The following NAPG variants were observed in gnomAD, a reference collection of about 807,000 sequenced individuals.
The protein encoded by NAPG is gamma-soluble NSF attachment protein.
A neutral mutation model predicts 48.4 loss-of-function variants in NAPG; 25 were observed. That is an observed-to-expected ratio of 0.52 (90% CI 0.38 to 0.72). NAPG has a LOEUF of 0.72. Among genes scored for constraint, NAPG ranks in the 30% least tolerant of loss-of-function variants. The pLI is 0.00. For missense variants in NAPG, 359 were observed against 372.5 expected (o/e 0.96, Z 0.30); for synonymous variants, 139 against 127.2 (o/e 1.09, Z -0.62).
intron 1 of NAPG, among the ~76,000 whole-genome samples, chr18:10,529,989 TTAAAC>T (rs964951565): frequency 4.1e-4 from 62 of 152,164 alleles, no homozygotes; most frequent in African/African-American, 1.4e-3. Flanking sequence ...CTGAATTAGT[TTAAAC>T]TAAGTCTGAA....
intron 1 of NAPG, among the ~76,000 whole-genome samples, chr18:10,529,017 T>C (rs1349066277): frequency 6.6e-6 from 1 of 152,200 alleles, no homozygotes; most frequent in Non-Finnish European, 1.5e-5. Context: ...TATTGATTCT[T>C]TGGAGAAAAA....
Position 10,551,693 on chromosome 18 carries a change from TC to T in NAPG, c.*1475del, listed in dbSNP as rs2032398616. 6.6e-6 allele frequency: 1 copy of T among 152,182 alleles called. No individual in the cohort carries two copies. The highest frequency in any genetic ancestry group is 2.1e-4 in the South Asian group (1 of 4,828). 9.4% of individuals were successfully genotyped at this position (152,182 alleles called of 1,614,324 possible). A position where few individuals can be genotyped will look rare whatever the true frequency, so the allele number is the denominator to read the frequency against. On this transcript the variant is annotated 3_prime_UTR_variant, in exon 12 of 12. Transcript: ENST00000322897. Reference sequence around the variant, plus strand: ...ATAGGTTGCTTAATTTTGCTAGACTTCCTGAAAACACTAAGGTGGAGTATCA... The same window carrying T: ...ATAGGTTGCTTAATTTTGCTAGACTTCTGAAAACACTAAGGTGGAGTATCA...
At chr18:10,540,698 T>C (rs749115157) in intron 8 of NAPG, 7 of 249,720 alleles carry the variant, frequency 2.8e-5, no homozygotes, top group Non-Finnish European at 5.3e-5. Flanking sequence ...TTGGTTGGAT[T>C]ATAATATCTC....
At chr18:10,545,718 C>T (rs552148104) in intron 8 of NAPG, among the ~76,000 whole-genome samples, 5 of 152,342 alleles carry the variant, frequency 3.3e-5, no homozygotes, top group African/African-American at 4.8e-5. Context: ...TCCTTGCTTT[C>T]GTCTTCATTC....
In NAPG at chr18:10,526,081, C is replaced by A; in HGVS notation, c.-22C>A. 3 of 1,612,444 alleles carry A rather than the reference C, an allele frequency of 1.9e-6. No individual in the cohort carries two copies. In the South Asian group the frequency reaches 3.3e-5, roughly 18 times the overall value. ...AAGAGGCAGGGTCACCCTCTCTCCA[C>A]GTCAGAGACCTGACTGTGGAGATGG... is the stretch of plus-strand genomic sequence containing the variant. On this transcript the variant is annotated 5_prime_UTR_variant, in exon 1 of 12. Transcript: ENST00000322897.
In NAPG at chr18:10,546,262, A is replaced by T. The variant is rs1191309300; in HGVS notation, c.507-64A>T. On this transcript the variant is annotated intron_variant, in intron 8 of 11. Coordinates refer to ENST00000322897, the MANE Select transcript of NAPG (RefSeq NM_003826.3). This position sits in a 1 kb window ranked among gnomAD's most constrained non-coding sequence, Gnocchi z 4.0. ...CAATCTATGATGTCAAGTACATTTC[A>T]CAGGGGACCTCTGCTATAGATCATT... is the stretch of plus-strand genomic sequence containing the variant. 2.9e-6 allele frequency: 3 copies of T among 1,035,230 alleles called. No individual in the cohort carries two copies. The African/African-American group carries it at 4.9e-5, about 17-fold the overall frequency. 64.1% of individuals were successfully genotyped at this position (1,035,230 alleles called of 1,614,324 possible).
intron 1 of NAPG, chr18:10,526,440 G>C (rs2143079120): frequency 2.2e-6 from 1 of 454,756 alleles, no homozygotes; most frequent in Non-Finnish European, 3.9e-6. Context: ...CGGGGCGAGG[G>C]CTTCTCTACT....
chr18:10,541,781 A>G (rs1415935198), intron 8 of NAPG, among the ~76,000 whole-genome samples: 1 of 152,210 alleles, frequency 6.6e-6, no homozygotes, highest in East Asian at 1.9e-4. Context: ...GGCAGAAGTT[A>G]AGGACAGCCC....
chr18:10,550,317 A>G lies in NAPG; in HGVS notation c.*97A>G. 2 of 1,329,370 alleles carry G rather than the reference A, an allele frequency of 1.5e-6. No individual in the cohort carries two copies. The highest frequency in any genetic ancestry group is 2.0e-6 in the Non-Finnish European group (2 of 1,005,022). The allele number at this position is 1,329,370 out of a possible 1,614,324, so 82.3% of individuals were successfully genotyped here. On this transcript the variant is annotated 3_prime_UTR_variant, in exon 12 of 12. Transcript: ENST00000322897. ...AGATTAGGGATATCCGTACTTCATT[A>G]CAGTCATGATTTTGGATCCTAATAA...
chr18:10,551,564 TAC>T lies in NAPG; in HGVS notation c.*1346_*1347del, dbSNP rs1412293020. ...CGTAATCTGTTAATTGGAAAGAGGC[TAC>T]AGACACCAGCAGTGTGCGTTCTGCA... On this transcript the variant is annotated 3_prime_UTR_variant, in exon 12 of 12. Transcript: ENST00000322897. 1 of 152,226 alleles carries T rather than the reference TAC, an allele frequency of 6.6e-6. No individual in the cohort carries two copies. The highest frequency in any genetic ancestry group is 1.5e-5 in the Non-Finnish European group (1 of 68,040). The allele number at this position is 152,226 out of a possible 1,614,324, so 9.4% of individuals were successfully genotyped here. A position where few individuals can be genotyped will look rare whatever the true frequency, so the allele number is the denominator to read the frequency against.
intron 1 of NAPG, 136 bp downstream of exon 1, chr18:10,526,294 C>T (rs1028768728): frequency 3.5e-5 from 30 of 849,192 alleles, no homozygotes; most frequent in Non-Finnish European, 5.6e-5. Flanking sequence ...CGCAGGGCTG[C>T]CGGGGCTCGG....
intron 5 of NAPG, among the ~76,000 whole-genome samples, chr18:10,535,673 A>G (rs937003947): frequency 2.0e-5 from 3 of 152,188 alleles, no homozygotes; most frequent in African/African-American, 7.2e-5. Flanking sequence ...AGGCAGGAGA[A>G]TTGCTTGAAC....
chr18:10,527,248 C>T (rs1355199801), intron 1 of NAPG, among the ~76,000 whole-genome samples: 1 of 149,470 alleles, frequency 6.7e-6, no homozygotes, highest in Non-Finnish European at 1.5e-5. Flanking sequence ...GGGTGCTTCA[C>T]ATACATAATT....
rs779735433 is a variant in NAPG, at chr18:10,533,532, T to G, written c.210-4T>G. On this transcript the variant is annotated splice_polypyrimidine_tract_variant and splice_region_variant and intron_variant, in intron 3 of 11. Coordinates refer to ENST00000322897, the MANE Select transcript of NAPG (RefSeq NM_003826.3). ...TTAACTTTGACTTCGTTACTTCCAT[T>G]CAGTCTTTTTCATGCTGCCAAGTAA... 7.5e-6 allele frequency: 12 copies of G among 1,599,508 alleles called. No individual in the cohort carries two copies. In the South Asian group the frequency reaches 1.4e-4, roughly 18 times the overall value.
rs1367306804 is a variant in NAPG at position 10,534,844 on chromosome 18, T to TA, written c.258+354dup. Among the ~76,000 whole-genome samples, 2 of 152,214 alleles carry TA rather than the reference T, an allele frequency of 1.3e-5. No individual in the cohort carries two copies. The highest frequency in any genetic ancestry group is 4.8e-5 in the African/African-American group (2 of 41,454). On this transcript the variant is annotated intron_variant, in intron 5 of 11. Transcript: ENST00000322897. The surrounding 1 kb of genome is among the most constrained non-coding windows in gnomAD (Gnocchi z 5.0). ...AAATGTAGTAAAATTTTATAAATAT[T>TA]AAAAAATTATCATACATGGGTTATA...
rs2032105964 is a variant in NAPG at position 10,539,647 on chromosome 18, TC to T, written c.259-114del. On this transcript the variant is annotated intron_variant, in intron 5 of 11. Coordinates refer to ENST00000322897, the MANE Select transcript of NAPG (RefSeq NM_003826.3). The surrounding 1 kb of genome is among the most constrained non-coding windows in gnomAD (Gnocchi z 4.7). Reference sequence around the variant, plus strand: ...ATACCTATGTAACAAACCTGCACATTCTGCACATGTGTCCCAGAACTTAAAA... The same window carrying T: ...ATACCTATGTAACAAACCTGCACATTTGCACATGTGTCCCAGAACTTAAAA... 1.2e-6 allele frequency: 1 copy of T among 832,484 alleles called. No individual in the cohort carries two copies. Among genetic ancestry groups the T allele is most frequent in the Admixed American group, 2.3e-5 (1 of 43,738 alleles). The allele number at this position is 832,484 out of a possible 1,614,324, so 51.6% of individuals were successfully genotyped here.
At chr18:10,533,135 AT>A (rs1178460212) in intron 3 of NAPG, 1 of 259,858 alleles carries the variant, frequency 3.8e-6, no homozygotes, top group Non-Finnish European at 7.2e-6. Context: ...TACTGTATCA[AT>A]TTTTTTAAAT....
In NAPG at chr18:10,534,247, A is replaced by C. The variant is rs929825601; in HGVS notation, c.228-219A>C. Among the ~76,000 whole-genome samples, 1 of 152,246 alleles carries C rather than the reference A, an allele frequency of 6.6e-6. No homozygotes were observed. The highest frequency in any genetic ancestry group is 1.5e-5 in the Non-Finnish European group (1 of 68,036). On this transcript the variant is annotated intron_variant, in intron 4 of 11. Transcript: ENST00000322897. This position sits in a 1 kb window ranked among gnomAD's most constrained non-coding sequence, Gnocchi z 5.0. ...ACTTAATTTTGCATCTGCAAAATAA[A>C]ATCTCTTTAACTCAAATGTCTGATG...
In NAPG at chr18:10,542,904, CTGGG is replaced by C. The variant is rs1451479766; in HGVS notation, c.506+2508_506+2511del. On this transcript the variant is annotated intron_variant, in intron 8 of 11. Coordinates refer to ENST00000322897, the MANE Select transcript of NAPG (RefSeq NM_003826.3). The surrounding 1 kb of genome is among the most constrained non-coding windows in gnomAD (Gnocchi z 4.5). Reference sequence around the variant, plus strand: ...CCTTTTTAGAAAAGGCCTTTCCAGGCTGGGTGCAGTGGCTCATGCCTGTAATCAC... The same window carrying C: ...CCTTTTTAGAAAAGGCCTTTCCAGGCTGCAGTGGCTCATGCCTGTAATCAC... 6.6e-6 allele frequency among the ~76,000 whole-genome samples: 1 copy of C among 152,070 alleles called. No individual in the cohort carries two copies. Among genetic ancestry groups the C allele is most frequent in the Non-Finnish European group, 1.5e-5 (1 of 68,024 alleles).
Sources: gnomAD v4.1 joint callset for allele counts (sites outside exome capture counted in the v4.1 genomes callset) on GRCh38, gnomAD v4.1.1 for gene constraint, Gnocchi (gnomAD v3.1) non-coding constraint, MANE v1.5 for transcripts, NCBI Gene and HGNC (gene_info 2026-07-23, HGNC 2026-07-21) for gene names.